Variants in SARDH observed in about 807,000 individuals in gnomAD.
The protein encoded by SARDH is sarcosine dehydrogenase, also known as sarcosine dehydrogenase, mitochondrial.
In SARDH, 95 loss-of-function variants were observed where a neutral mutation model predicts 109.1. That is an observed-to-expected ratio of 0.87 (90% CI 0.74 to 1.03). The LOEUF (loss-of-function observed/expected upper bound fraction) is 1.03. SARDH is among the 50% of genes least tolerant of loss of function. SARDH has a pLI of 0.00. For missense variants in SARDH, 1,267 were observed against 1,287.8 expected (o/e 0.98, Z 0.25); for synonymous variants, 572 against 534.8 (o/e 1.07, Z -0.96).
At chr9:133,667,572 CAA>C (rs796833527) in intron 19 of SARDH, among the ~76,000 whole-genome samples, 3 of 138,620 alleles carry the variant, frequency 2.2e-5, no homozygotes, top group African/African-American at 2.7e-5. Context: ...AGCAGGAAGA[CAA>C]AAAAAAAAAA....
At chr9:133,708,549 G>C in intron 10 of SARDH, 121 bp from the exon 11 acceptor site, 1 of 1,290,834 alleles carries the variant, frequency 7.7e-7, no homozygotes, top group Non-Finnish European at 1.0e-6. Context: ...TTGTGGCTCA[G>C]CATTGAGCGG....
intron 6 of SARDH, among the ~76,000 whole-genome samples, chr9:133,729,102 C>T (rs185043954): frequency 4.0e-4 from 61 of 151,436 alleles, no homozygotes; most frequent in African/African-American, 1.3e-3. Flanking sequence ...TGGATAGATA[C>T]GGGAGTAGAT....
In SARDH at chr9:133,686,075, C is replaced by T. The variant is rs557476094; in HGVS notation, c.2070-789G>A. ...AGGGCTGCACCTGAGTGCCACAGTGCTATGAGGGCCCGGGAATGTTCCTGA... is the reference window on the plus strand; with the variant it reads ...AGGGCTGCACCTGAGTGCCACAGTGTTATGAGGGCCCGGGAATGTTCCTGA... On this transcript the variant is annotated intron_variant, in intron 16 of 20. Transcript: ENST00000439388. The surrounding 1 kb of genome is among the most constrained non-coding windows in gnomAD (Gnocchi z 4.0). Among the ~76,000 whole-genome samples, 1 of 152,254 alleles carries T rather than the reference C, an allele frequency of 6.6e-6. No homozygotes were observed. The highest frequency in any genetic ancestry group is 6.5e-5 in the Admixed American group (1 of 15,302).
intron 1 of SARDH, among the ~76,000 whole-genome samples, chr9:133,734,456 T>C (rs113754279): frequency 4.7e-4 from 68 of 144,314 alleles, no homozygotes; most frequent in Non-Finnish European, 7.2e-4. Context: ...CATTCATTCA[T>C]TCACTCATTC....
At chr9:133,720,768 GC>G (rs1832297926) in intron 6 of SARDH, among the ~76,000 whole-genome samples, 1 of 152,144 alleles carries the variant, frequency 6.6e-6, no homozygotes, top group South Asian at 2.1e-4. Flanking sequence ...TCTCCACCTG[GC>G]CCCACCCTTG....
intron 13 of SARDH, among the ~76,000 whole-genome samples, chr9:133,702,471 A>T (rs939551814): frequency 6.6e-6 from 1 of 152,344 alleles, no homozygotes; most frequent in Admixed American, 6.5e-5. Context: ...GGAGGGGCCC[A>T]TACGGGGCCT....
chr9:133,734,250 G>A, intron 1 of SARDH, 47 bp from the exon 2 acceptor site: 1 of 1,336,036 alleles, frequency 7.5e-7, no homozygotes. Flanking sequence ...GGACACGCTG[G>A]GGGCTGTGCT....
upstream of SARDH, among the ~76,000 whole-genome samples, chr9:133,738,892 G>A (rs537151192): frequency 5.9e-5 from 9 of 152,308 alleles, no homozygotes; most frequent in South Asian, 1.5e-3. Context: ...CTGCTTTCCC[G>A]AGCTCCCAGA....
chr9:133,717,447 G>C lies in SARDH; in HGVS notation c.1029C>G (p.Asp343Glu). 6.2e-7 allele frequency: 1 copy of C among 1,614,102 alleles called. No individual in the cohort carries two copies. The highest frequency in any genetic ancestry group is 8.5e-7 in the Non-Finnish European group (1 of 1,179,984). Residue 343 changes from aspartate to glutamate, a missense_variant, in exon 8 of 21, where the codon GAC becomes GAG. Physicochemically the swap from Asp to Glu is conservative, Grantham distance 45. Transcript: ENST00000439388. ...ANPIFWEEVS[D>E]KFAFGLFDLD... The stretch of plus-strand genomic sequence containing the variant: ...GGTCAAAGAGGCCGAAGGCAAACTT[G>C]TCTGACACCTGCCAAGGCAGGGCAG...
At position 133,728,091 on chromosome 9, in the gene SARDH, C is replaced by T. The variant is rs976389229; in HGVS notation, c.915+1674G>A. On this transcript the variant is annotated intron_variant, in intron 6 of 20. Coordinates refer to ENST00000439388, the MANE Select transcript of SARDH (RefSeq NM_001134707.2). This position sits in a 1 kb window ranked among gnomAD's most constrained non-coding sequence, Gnocchi z 5.0. ...CTCAGCACTCAGCTCCGACACCCAC[C>T]GTGTGACTACTCTTAGTCCCTAACC... Among the ~76,000 whole-genome samples the T allele has an allele frequency of 2.6e-5, 4 of 152,152 alleles. No individual in the cohort carries two copies. Among genetic ancestry groups the T allele is most frequent in the Admixed American group, 6.5e-5 (1 of 15,286 alleles).
chr9:133,733,335 C>T (rs1832750847), intron 2 of SARDH, among the ~76,000 whole-genome samples: 1 of 152,222 alleles, frequency 6.6e-6, no homozygotes, highest in Admixed American at 6.5e-5. Context: ...TTTGCCAGGA[C>T]ACCCATGGCT....
At chr9:133,716,301 G>A (rs987853240) in intron 8 of SARDH, among the ~76,000 whole-genome samples, 2 of 152,372 alleles carry the variant, frequency 1.3e-5, no homozygotes, top group East Asian at 1.9e-4. Context: ...CACCACCGAC[G>A]AAGTGCCACT....
At chr9:133,722,238 C>A (rs761310787) in intron 6 of SARDH, among the ~76,000 whole-genome samples, 7 of 152,088 alleles carry the variant, frequency 4.6e-5, no homozygotes, top group Non-Finnish European at 1.0e-4. Context: ...AAGTACAGGA[C>A]AAAAACCACG....
intron 1 of SARDH, among the ~76,000 whole-genome samples, chr9:133,734,412 T>TCATTCATTCATTCACTCAC (rs1832806615): frequency 7.9e-6 from 1 of 127,324 alleles, no homozygotes; most frequent in Non-Finnish European, 1.6e-5. Context: ...CATTCACTCA[T>TCATTCATTCATTCACTCAC]TCATTCATTC....
intron 3 of SARDH, 56 bp downstream of exon 3, chr9:133,732,367 G>C: frequency 9.2e-7 from 1 of 1,088,706 alleles, no homozygotes; most frequent in South Asian, 1.4e-5. Flanking sequence ...GACCCCCCAG[G>C]GAGTGCACCC....
intron 17 of SARDH, among the ~76,000 whole-genome samples, chr9:133,675,718 G>A (rs760113084): frequency 1.3e-5 from 2 of 152,174 alleles, no homozygotes; most frequent in African/African-American, 2.4e-5. Context: ...GGAGGGATTC[G>A]AAGAGGTATT....
At chr9:133,714,686 G>A (rs1832054407) in intron 8 of SARDH, among the ~76,000 whole-genome samples, 1 of 152,166 alleles carries the variant, frequency 6.6e-6, no homozygotes, top group South Asian at 2.1e-4. Flanking sequence ...AGGCGGAGAA[G>A]GGAGGATGGC....
At chr9:133,713,781 G>C (rs1199954276) in intron 8 of SARDH, among the ~76,000 whole-genome samples, 6 of 152,182 alleles carry the variant, frequency 3.9e-5, no homozygotes, top group Admixed American at 3.3e-4. Context: ...GTGTGGCATT[G>C]GGCGAGTCAC....
At chr9:133,665,703 G>A (rs1830038580) in intron 20 of SARDH, among the ~76,000 whole-genome samples, 1 of 152,202 alleles carries the variant, frequency 6.6e-6, no homozygotes, top group South Asian at 2.1e-4. Flanking sequence ...CCCGAGGCCT[G>A]GCGGTGTCCC....
Sources: allele counts gnomAD v4.1 joint callset (sites outside exome capture counted in the v4.1 genomes callset), GRCh38; gene constraint gnomAD v4.1.1; non-coding constraint Gnocchi (gnomAD v3.1); transcripts MANE v1.5; gene names NCBI Gene and HGNC (gene_info 2026-07-23, HGNC 2026-07-21).